Variants in CNTNAP5 observed in about 807,000 individuals in gnomAD.
CNTNAP5 encodes contactin associated protein family member 5.
CNTNAP5 carries 72 observed loss-of-function variants against 150.2 expected under a neutral mutation model. The observed-to-expected ratio is 0.48, with a 90% CI of 0.40 to 0.58. The LOEUF (loss-of-function observed/expected upper bound fraction) is 0.58. CNTNAP5 is among the 20% of genes least tolerant of loss of function. The probability of loss-of-function intolerance (pLI) is 0.00; values close to 1 mark genes in which losing one functional copy is unlikely to be tolerated. For missense variants in CNTNAP5, 1,636 were observed against 1,626.2 expected (o/e 1.01, Z -0.10); for synonymous variants, 672 against 619.8 (o/e 1.08, Z -1.25).
At chr2:124,489,099 A>G (rs1473606123) in intron 7 of CNTNAP5, among the ~76,000 whole-genome samples, 1 of 152,252 alleles carries the variant, frequency 6.6e-6, no homozygotes, top group Non-Finnish European at 1.5e-5. Context: ...GCTTTCCATG[A>G]TTGAGAATTA....
chr2:124,649,831 G>A (rs1349999074), intron 13 of CNTNAP5, among the ~76,000 whole-genome samples: 14 of 152,138 alleles, frequency 9.2e-5, no homozygotes, highest in Admixed American at 9.2e-4. Context: ...GTACATAATA[G>A]GTATTCAACA....
chr2:124,311,735 G>A (rs939187334), intron 3 of CNTNAP5, among the ~76,000 whole-genome samples: 20 of 152,068 alleles, frequency 1.3e-4, no homozygotes, highest in African/African-American at 3.9e-4. Context: ...GTCACCTGAC[G>A]GTCACGTGTA....
chr2:124,791,390 C>A (rs1681725957), intron 18 of CNTNAP5, among the ~76,000 whole-genome samples: 1 of 152,120 alleles, frequency 6.6e-6, no homozygotes, highest in Admixed American at 6.5e-5. Flanking sequence ...GTTTCCATTC[C>A]AGGGGCTCAT....
At chr2:124,616,338 C>T (rs1425288469) in intron 12 of CNTNAP5, among the ~76,000 whole-genome samples, 2 of 152,158 alleles carry the variant, frequency 1.3e-5, no homozygotes, top group African/African-American at 4.8e-5. Flanking sequence ...ACGAAGATGG[C>T]TTCTTTAATT....
At chr2:124,290,067 A>G (rs551296427) in intron 3 of CNTNAP5, among the ~76,000 whole-genome samples, 41 of 152,132 alleles carry the variant, frequency 2.7e-4, no homozygotes, top group Non-Finnish European at 3.5e-4. Flanking sequence ...AGACATTGCA[A>G]AGGGTACTAT....
At chr2:124,329,756 T>C (rs766783251) in intron 3 of CNTNAP5, among the ~76,000 whole-genome samples, 4 of 152,194 alleles carry the variant, frequency 2.6e-5, no homozygotes, top group Non-Finnish European at 5.9e-5. Flanking sequence ...GTTTGGAGGC[T>C]TCCCATTAAA....
chr2:124,874,476 A>T (rs1288620589), intron 21 of CNTNAP5, among the ~76,000 whole-genome samples: 2 of 152,088 alleles, frequency 1.3e-5, no homozygotes, highest in Non-Finnish European at 2.9e-5. Context: ...ATAGGAATTG[A>T]AAAAACTTGA....
At chr2:124,082,348 C>CA (rs56285830) in intron 1 of CNTNAP5, among the ~76,000 whole-genome samples, 1,296 of 72,610 alleles carry the variant, frequency 0.018, 24 homozygotes, top group East Asian at 0.056. Flanking sequence ...GACTCTCTCT[C>CA]AAAAAAAAAA....
At chr2:124,269,813 T>C (rs1465427980) in intron 3 of CNTNAP5, among the ~76,000 whole-genome samples, 1 of 152,116 alleles carries the variant, frequency 6.6e-6, no homozygotes, top group Non-Finnish European at 1.5e-5. Context: ...CTCAAGATTT[T>C]CTGTAGTAAA....
chr2:124,518,802 C>A (rs183506796), intron 8 of CNTNAP5, among the ~76,000 whole-genome samples: 1 of 151,740 alleles, frequency 6.6e-6, no homozygotes, highest in Non-Finnish European at 1.5e-5. Context: ...GCCTGGCCAA[C>A]GTTATGAAAC....
chr2:124,446,580 T>G (rs1381476294), intron 5 of CNTNAP5, among the ~76,000 whole-genome samples, 173 bp from the exon 6 acceptor site: 1 of 152,212 alleles, frequency 6.6e-6, no homozygotes, highest in Non-Finnish European at 1.5e-5. Context: ...GATTCTGGAA[T>G]CTGTGGGCCA....
chr2:124,767,997 A>G (rs1681102536), intron 16 of CNTNAP5, among the ~76,000 whole-genome samples: 1 of 152,172 alleles, frequency 6.6e-6, no homozygotes, highest in Non-Finnish European at 1.5e-5. Context: ...GTGACTGGGA[A>G]CGTATACATT....
At chr2:124,635,168 G>A (rs1677946116) in intron 12 of CNTNAP5, among the ~76,000 whole-genome samples, 1 of 152,106 alleles carries the variant, frequency 6.6e-6, no homozygotes, top group African/African-American at 2.4e-5. Context: ...TTCTGGGGAG[G>A]CCTCGGGAAA....
chr2:124,771,810 C>T (rs956433588), intron 16 of CNTNAP5, among the ~76,000 whole-genome samples: 5 of 151,654 alleles, frequency 3.3e-5, no homozygotes, highest in Non-Finnish European at 5.9e-5. Context: ...CCATCACCAT[C>T]GCCATCACCA....
At chr2:124,877,018 G>A (rs890399970) in intron 21 of CNTNAP5, among the ~76,000 whole-genome samples, 3 of 151,534 alleles carry the variant, frequency 2.0e-5, no homozygotes, top group Admixed American at 1.3e-4. Flanking sequence ...AACTGGGTTA[G>A]ATGGGATTTT....
At chr2:124,771,849 C>T (rs1161108017) in intron 16 of CNTNAP5, among the ~76,000 whole-genome samples, 1 of 151,896 alleles carries the variant, frequency 6.6e-6, no homozygotes, top group Non-Finnish European at 1.5e-5. Flanking sequence ...TCAACACCAC[C>T]ACTGCCAGTG....
At chr2:124,603,966 A>G (rs969167064) in intron 11 of CNTNAP5, among the ~76,000 whole-genome samples, 1 of 152,198 alleles carries the variant, frequency 6.6e-6, no homozygotes, top group Non-Finnish European at 1.5e-5. Context: ...CCAGTCTTTA[A>G]TAAAAGTCTT....
chr2:124,453,089 C>T (rs1693028102), intron 6 of CNTNAP5, among the ~76,000 whole-genome samples: 1 of 151,494 alleles, frequency 6.6e-6, no homozygotes, highest in East Asian at 1.9e-4. Context: ...CAGTGAGATA[C>T]CAGAGAAAGT....
intron 6 of CNTNAP5, among the ~76,000 whole-genome samples, chr2:124,462,800 C>T (rs1005117309): frequency 6.6e-6 from 1 of 152,156 alleles, no homozygotes; most frequent in Admixed American, 6.5e-5. Context: ...AGCTAAGAAA[C>T]GAATGAATCA....
Sources: allele counts gnomAD v4.1 joint callset (sites outside exome capture counted in the v4.1 genomes callset), GRCh38; gene constraint gnomAD v4.1.1; transcripts MANE v1.5; gene names NCBI Gene and HGNC (gene_info 2026-07-23, HGNC 2026-07-21).